The following FSTL5 variants were observed in gnomAD, a reference collection of about 807,000 sequenced individuals.
The protein encoded by FSTL5 is follistatin-related protein 5.
FSTL5 carries 62 observed loss-of-function variants against 89.1 expected under a neutral mutation model. That is an observed-to-expected ratio of 0.70 (90% CI 0.57 to 0.86). FSTL5 has a LOEUF of 0.86. Ranked by LOEUF, FSTL5 falls within the 40% of genes least tolerant of loss-of-function variation. The pLI is 0.00. For missense variants in FSTL5, 1,057 were observed against 1,001.6 expected (o/e 1.06, Z -0.75); for synonymous variants, 383 against 346.2 (o/e 1.11, Z -1.18).
chr4:161,481,936 C>T (rs948885254), intron 12 of FSTL5, among the ~76,000 whole-genome samples: 5 of 152,078 alleles, frequency 3.3e-5, no homozygotes, highest in Admixed American at 6.6e-5. Context: ...TAAGTAAAAG[C>T]GTATGAAATG....
chr4:161,580,903 G>C (rs1285483865), intron 8 of FSTL5, among the ~76,000 whole-genome samples: 1 of 152,130 alleles, frequency 6.6e-6, no homozygotes, highest in African/African-American at 2.4e-5. Context: ...TAGTTATCAA[G>C]GGATATTCAC....
At chr4:162,141,745 G>A (rs1244866168) in intron 1 of FSTL5, among the ~76,000 whole-genome samples, 5 of 152,112 alleles carry the variant, frequency 3.3e-5, no homozygotes, top group African/African-American at 1.2e-4. Flanking sequence ...GGGCTTCACA[G>A]ATATTCAAAT....
chr4:161,712,393 G>C (rs185212709), intron 6 of FSTL5, among the ~76,000 whole-genome samples: 1 of 152,026 alleles, frequency 6.6e-6, no homozygotes, highest in Non-Finnish European at 1.5e-5. Flanking sequence ...ATTCACCTAG[G>C]TCAAATTTGA....
intron 7 of FSTL5, among the ~76,000 whole-genome samples, chr4:161,635,717 G>A (rs957953320): frequency 6.6e-6 from 1 of 152,038 alleles, no homozygotes; most frequent in East Asian, 1.9e-4. Context: ...GATTCATTAC[G>A]TCTAGACAAA....
chr4:162,069,583 G>A (rs1729519763), intron 2 of FSTL5, among the ~76,000 whole-genome samples: 1 of 151,686 alleles, frequency 6.6e-6, no homozygotes, highest in Non-Finnish European at 1.5e-5. Context: ...CCACAATTCT[G>A]CTCTCTATTT....
chr4:161,466,566 C>T (rs1578855065), intron 13 of FSTL5, among the ~76,000 whole-genome samples: 1 of 152,048 alleles, frequency 6.6e-6, no homozygotes, highest in Non-Finnish European at 1.5e-5. Flanking sequence ...AGAGTACTCC[C>T]GGGGTGTTAC....
intron 4 of FSTL5, among the ~76,000 whole-genome samples, chr4:161,911,833 T>C (rs562354193): frequency 2.3e-4 from 35 of 152,356 alleles, no homozygotes; most frequent in Non-Finnish European, 4.4e-4. Flanking sequence ...TTCATGCTTT[T>C]TTCGTCATTC....
intron 4 of FSTL5, among the ~76,000 whole-genome samples, chr4:161,869,028 C>G (rs2126897965): frequency 6.6e-6 from 1 of 152,130 alleles, no homozygotes; most frequent in Non-Finnish European, 1.5e-5. Context: ...CCGAGACCAG[C>G]CTGGCCAACA....
intron 4 of FSTL5, among the ~76,000 whole-genome samples, chr4:161,820,830 A>C (rs1329731942): frequency 1.3e-5 from 2 of 152,008 alleles, no homozygotes; most frequent in African/African-American, 4.8e-5. Context: ...CATTAAAAAG[A>C]TGTCAATGAT....
chr4:161,739,805 T>C (rs1270486479), intron 6 of FSTL5, among the ~76,000 whole-genome samples: 1 of 151,720 alleles, frequency 6.6e-6, no homozygotes, highest in African/African-American at 2.4e-5. Context: ...AGTAGCCAGA[T>C]GAATACACTT....
intron 7 of FSTL5, among the ~76,000 whole-genome samples, chr4:161,615,431 C>T (rs1400615575): frequency 3.1e-5 from 4 of 127,972 alleles, no homozygotes; most frequent in Admixed American, 9.1e-5. Flanking sequence ...GGTGACAGGG[C>T]GAGACTCCAT....
chr4:161,642,630 T>C (rs1736004889), intron 7 of FSTL5, among the ~76,000 whole-genome samples: 1 of 152,142 alleles, frequency 6.6e-6, no homozygotes, highest in South Asian at 2.1e-4. Flanking sequence ...AATAAGGAGA[T>C]ACAACTAAAT....
At chr4:161,689,416 TAATA>T (rs1457911858) in intron 6 of FSTL5, among the ~76,000 whole-genome samples, 1 of 152,146 alleles carries the variant, frequency 6.6e-6, no homozygotes, top group African/African-American at 2.4e-5. Flanking sequence ...TGTGAGCATA[TAATA>T]AATACTTAAC....
intron 10 of FSTL5, among the ~76,000 whole-genome samples, chr4:161,528,073 C>T (rs541243815): frequency 6.8e-6 from 1 of 146,090 alleles, no homozygotes; most frequent in East Asian, 2.0e-4. Flanking sequence ...CATATTCTCA[C>T]TCATAGGTGG....
chr4:162,088,882 T>C (rs1289874694), intron 2 of FSTL5, among the ~76,000 whole-genome samples: 1 of 152,074 alleles, frequency 6.6e-6, no homozygotes, highest in East Asian at 1.9e-4. Context: ...GTCAATGCAT[T>C]TCTAACAACT....
At chr4:161,816,675 T>A (rs1429623632) in intron 4 of FSTL5, among the ~76,000 whole-genome samples, 1 of 152,224 alleles carries the variant, frequency 6.6e-6, no homozygotes, top group Admixed American at 6.5e-5. Flanking sequence ...CAGATGAAAA[T>A]ACAATTTTAG....
At chr4:162,128,558 C>T (rs1191397593) in intron 1 of FSTL5, among the ~76,000 whole-genome samples, 1 of 152,152 alleles carries the variant, frequency 6.6e-6, no homozygotes, top group African/African-American at 2.4e-5. Flanking sequence ...TATTAGGCTT[C>T]CCAACCTCCA....
intron 3 of FSTL5, among the ~76,000 whole-genome samples, chr4:161,995,918 A>G (rs899121430): frequency 1.6e-4 from 25 of 152,056 alleles, no homozygotes; most frequent in African/African-American, 5.8e-4. Flanking sequence ...ACTCTCCAGA[A>G]AGTACCATCA....
chr4:162,055,697 G>A (rs951802558), intron 2 of FSTL5, among the ~76,000 whole-genome samples: 1 of 151,624 alleles, frequency 6.6e-6, no homozygotes, highest in Non-Finnish European at 1.5e-5. Flanking sequence ...CAATTTTGGA[G>A]AAAAAAAGGT....
Sources: allele counts gnomAD v4.1 joint callset (sites outside exome capture counted in the v4.1 genomes callset), GRCh38; gene constraint gnomAD v4.1.1; transcripts MANE v1.5; gene names NCBI Gene and HGNC (gene_info 2026-07-23, HGNC 2026-07-21).